LPAR1: variants seen among roughly 807,000 people sequenced by gnomAD.
LPAR1 encodes the protein lysophosphatidic acid receptor 1.
A neutral mutation model predicts 23.8 loss-of-function variants in LPAR1; 5 were observed. The observed-to-expected ratio is 0.21, with a 90% confidence interval of 0.11 to 0.44. The LOEUF is 0.44. Ranked by LOEUF, LPAR1 falls within the 20% of genes least tolerant of loss-of-function variation. The pLI is 0.99. For synonymous variants in LPAR1, 160 were observed against 164.7 expected, an observed-to-expected ratio of 0.97 and a Z score of 0.22; for missense variants, 311 against 482.8, an observed-to-expected ratio of 0.64 and a Z score of 3.33.
At chr9:110,951,386 C>T (rs556917001) in intron 4 of LPAR1, among the ~76,000 whole-genome samples, 2 of 151,962 alleles carry the variant, frequency 1.3e-5, no homozygotes, top group South Asian at 4.1e-4. Context: ...TAGAAACACA[C>T]ATAAGAAAGA....
intron 2 of LPAR1, among the ~76,000 whole-genome samples, chr9:110,976,186 A>G (rs1288487284): frequency 6.6e-6 from 1 of 152,066 alleles, no homozygotes; most frequent in Non-Finnish European, 1.5e-5. Flanking sequence ...GAGTTGCACA[A>G]TAATTTTTAA....
intron 5 of LPAR1, among the ~76,000 whole-genome samples, chr9:110,901,273 G>A (rs957220746): frequency 6.6e-5 from 10 of 152,146 alleles, no homozygotes; most frequent in African/African-American, 2.2e-4. Flanking sequence ...GTTGACTCAC[G>A]TTCCCACTAC....
chr9:110,940,562 T>C (rs564532621), intron 5 of LPAR1, among the ~76,000 whole-genome samples: 2 of 152,342 alleles, frequency 1.3e-5, no homozygotes, highest in East Asian at 3.9e-4. Context: ...TTAACCTGAA[T>C]ATAGTCTATG....
intron 5 of LPAR1, among the ~76,000 whole-genome samples, chr9:110,921,779 C>T (rs1440309350): frequency 6.6e-6 from 1 of 152,164 alleles, no homozygotes; most frequent in African/African-American, 2.4e-5. Context: ...GACAAGCCCA[C>T]CCACATTGCA....
chr9:111,017,434 A>T (rs2097474631), intron 2 of LPAR1, among the ~76,000 whole-genome samples: 1 of 152,172 alleles, frequency 6.6e-6, no homozygotes, highest in Admixed American at 6.5e-5. Flanking sequence ...TACTTCCAGT[A>T]ATGGGTGAAA....
At chr9:110,881,401 C>T (rs943173514) in intron 5 of LPAR1, among the ~76,000 whole-genome samples, 1 of 152,120 alleles carries the variant, frequency 6.6e-6, no homozygotes, top group Admixed American at 6.5e-5. Context: ...TTTAACATTC[C>T]TGGGTGACAG....
At position 110,873,890 on chromosome 9, in the gene LPAR1, G is replaced by C. The variant is rs1460880109; in HGVS notation, c.*1531C>G. 6.6e-6 allele frequency: 1 copy of C among 152,378 alleles called. No individual in the cohort carries two copies. Among genetic ancestry groups the C allele is most frequent in the African/African-American group, 2.4e-5 (1 of 41,446 alleles). 9.4% of individuals were successfully genotyped at this position (152,378 alleles called of 1,614,324 possible). A position where few individuals can be genotyped will look rare whatever the true frequency, so the allele number is the denominator to read the frequency against. The stretch of plus-strand genomic sequence containing the variant: ...TAACGAGTCCCTCAAACAAAGTTTG[G>C]AATTGCGAGATATATTGGGGTACCT... On this transcript the variant is annotated 3_prime_UTR_variant, in exon 6 of 6. Transcript: ENST00000683809.
At chr9:110,887,781 C>T (rs997285778) in intron 5 of LPAR1, among the ~76,000 whole-genome samples, 1 of 152,126 alleles carries the variant, frequency 6.6e-6, no homozygotes, top group African/African-American at 2.4e-5. Flanking sequence ...AAAGCAAATT[C>T]TGACTAGCCC....
chr9:110,917,498 C>G (rs181860091), intron 5 of LPAR1, among the ~76,000 whole-genome samples: 1 of 152,288 alleles, frequency 6.6e-6, no homozygotes, highest in East Asian at 1.9e-4. Context: ...TATCTTTAAG[C>G]CCCACAGAAT....
intron 2 of LPAR1, among the ~76,000 whole-genome samples, chr9:111,000,123 T>G (rs2097101142): frequency 6.6e-6 from 1 of 152,170 alleles, no homozygotes; most frequent in East Asian, 1.9e-4. Flanking sequence ...CATATGAATT[T>G]CAGGGAGACA....
intron 5 of LPAR1, among the ~76,000 whole-genome samples, chr9:110,904,411 A>T (rs147737888): frequency 6.6e-6 from 1 of 152,222 alleles, no homozygotes; most frequent in Non-Finnish European, 1.5e-5. Context: ...TAAAATGTTG[A>T]TATCAGTAGA....
In LPAR1 at chr9:110,946,679, TAC is replaced by T. The variant is rs58390932; in HGVS notation, c.46-4513_46-4512del. 8.9e-3 allele frequency among the ~76,000 whole-genome samples: 1,347 copies of T among 150,742 alleles called. 20 individuals carry two copies. Among genetic ancestry groups the T allele is most frequent in the African/African-American group, 0.031 (1,270 of 41,120 alleles). On this transcript the variant is annotated intron_variant, in intron 4 of 5. Coordinates refer to ENST00000683809, the MANE Select transcript of LPAR1 (RefSeq NM_001351411.2). Reference sequence around the variant, plus strand: ...ACTCTTGAGAAAAGAAAAAAATAAATACACACACACACACACAATAAATACAA... The same window carrying T: ...ACTCTTGAGAAAAGAAAAAAATAAATACACACACACACACAATAAATACAA...
In LPAR1 at chr9:110,897,855, G is replaced by T. The variant is rs767799764; in HGVS notation, c.794-22133C>A. ...AGATATCTATACTACTGTTGTCAAG[G>T]ATCATTGTCTCTGCATCACTTTGTA... On this transcript the variant is annotated intron_variant, in intron 5 of 5. Coordinates refer to ENST00000683809, the MANE Select transcript of LPAR1 (RefSeq NM_001351411.2). Among the ~76,000 whole-genome samples the T allele has an allele frequency of 1.3e-4, 20 of 151,890 alleles. No individual in the cohort carries two copies. In the East Asian group the frequency reaches 2.5e-3, roughly 19 times the overall value.
At chr9:111,017,203 C>T (rs1003965647) in intron 2 of LPAR1, among the ~76,000 whole-genome samples, 1 of 152,136 alleles carries the variant, frequency 6.6e-6, no homozygotes, top group African/African-American at 2.4e-5. Flanking sequence ...CCCTTGGTCT[C>T]GGTCTCTGCT....
chr9:111,019,829 A>C (rs933233613), intron 2 of LPAR1, among the ~76,000 whole-genome samples: 28 of 152,214 alleles, frequency 1.8e-4, no homozygotes, highest in Non-Finnish European at 3.4e-4. Flanking sequence ...TGGGCGACAG[A>C]GTGAGACTCC....
intron 2 of LPAR1, among the ~76,000 whole-genome samples, chr9:111,017,951 G>A (rs2097487606): frequency 6.6e-6 from 1 of 152,052 alleles, no homozygotes; most frequent in African/African-American, 2.4e-5. Context: ...CCCAGGAGGT[G>A]GAGGTTGCAG....
intron 5 of LPAR1, among the ~76,000 whole-genome samples, chr9:110,926,599 T>C (rs529549939): frequency 3.2e-4 from 49 of 152,314 alleles, no homozygotes; most frequent in African/African-American, 9.6e-4. Flanking sequence ...AGTGTGGATG[T>C]TTCAAATATT....
intron 2 of LPAR1, among the ~76,000 whole-genome samples, chr9:111,034,488 A>G (rs1490129170): frequency 6.6e-6 from 1 of 152,242 alleles, no homozygotes. Flanking sequence ...CACAAGGTCC[A>G]GCTATAACAC....
chr9:110,968,780 A>T (rs2096306406), intron 4 of LPAR1, among the ~76,000 whole-genome samples: 1 of 152,210 alleles, frequency 6.6e-6, no homozygotes, highest in African/African-American at 2.4e-5. Flanking sequence ...AGCAATAATA[A>T]CAATGCTTGC....
Sources: allele counts gnomAD v4.1 joint callset (sites outside exome capture counted in the v4.1 genomes callset), GRCh38; gene constraint gnomAD v4.1.1; transcripts MANE v1.5; gene names NCBI Gene and HGNC (gene_info 2026-07-23, HGNC 2026-07-21).